Variants in DOP1B observed in about 807,000 individuals in gnomAD.
DOP1B encodes DOP1 leucine zipper like protein B.
In DOP1B, 174 loss-of-function variants were observed where a neutral mutation model predicts 233.5. That is an observed-to-expected ratio of 0.75 (90% CI 0.66 to 0.85). DOP1B has a LOEUF of 0.85. DOP1B is among the 40% of genes least tolerant of loss of function. DOP1B has a pLI of 0.00. For synonymous variants in DOP1B, 1,190 were observed against 1,185.6 expected (o/e 1.00, Z -0.08); for missense variants, 2,652 against 2,846.6 (o/e 0.93, Z 1.56).
At chr21:36,219,117 C>T (rs963612264) in intron 9 of DOP1B, among the ~76,000 whole-genome samples, 6 of 152,082 alleles carry the variant, frequency 3.9e-5, no homozygotes, top group African/African-American at 4.8e-5. Flanking sequence ...GGGTTTAATA[C>T]GTTAATAGAT....
Position 36,239,938 on chromosome 21 carries a change from A to G in DOP1B, c.3050A>G (p.Lys1017Arg). The change falls in exon 18 of 37, where the codon AAG becomes AGG. Residue 1017 changes from lysine (K) to arginine (R), a missense_variant. Lys to Arg is a conservative substitution (Grantham distance 26). Coordinates refer to ENST00000691173, the MANE Select transcript of DOP1B (RefSeq NM_001320714.2). The stretch of plus-strand genomic sequence containing the variant: ...CAGAGAACCTCCATCCACTGCCTCA[A>G]GCAGGAGAACTCGGCCGGTGAGCAG... ...KTQRTSIHCL[K>R]QENSADDLHR... 6.2e-7 allele frequency: 1 copy of G among 1,610,412 alleles called. No individual in the cohort carries two copies. Among genetic ancestry groups the G allele is most frequent in the Non-Finnish European group, 8.5e-7 (1 of 1,179,378 alleles).
rs139475043 is a variant in DOP1B, at chr21:36,233,138, C to T, written c.2622+63C>T. 379 of 1,550,602 alleles carry T rather than the reference C, an allele frequency of 2.4e-4. 3 individuals are homozygous for T. The African/African-American group carries it at 2.5e-3, about 10-fold the overall frequency. On this transcript the variant is annotated intron_variant, in intron 15 of 36. Coordinates refer to ENST00000691173, the MANE Select transcript of DOP1B (RefSeq NM_001320714.2). ...TCTCCCCCTGAGCAAAACTCAGAAC[C>T]GTATTGCTGGGGATGGGGGCAGTGG... is the stretch of plus-strand genomic sequence containing the variant.
chr21:36,253,749 G>A, intron 22 of DOP1B, 23 bp from the exon 23 acceptor site: 1 of 1,608,432 alleles, frequency 6.2e-7, no homozygotes, highest in South Asian at 1.1e-5. Flanking sequence ...AAGCTTTCAA[G>A]GAACTTTTTT....
chr21:36,269,137 A>T (rs1016809400), intron 26 of DOP1B, among the ~76,000 whole-genome samples: 1 of 152,046 alleles, frequency 6.6e-6, no homozygotes, highest in Non-Finnish European at 1.5e-5. Flanking sequence ...GAGAATGCAA[A>T]ATCTGATTAA....
chr21:36,205,736 TG>T (rs950880287), intron 4 of DOP1B, among the ~76,000 whole-genome samples: 1 of 149,416 alleles, frequency 6.7e-6, no homozygotes, highest in African/African-American at 2.5e-5. Flanking sequence ...TGGGGCATGG[TG>T]GCTCATGCCT....
chr21:36,250,273 C>G (rs1207367876), intron 21 of DOP1B, among the ~76,000 whole-genome samples: 1 of 152,202 alleles, frequency 6.6e-6, no homozygotes, highest in Non-Finnish European at 1.5e-5. Context: ...ACAGGAAGCG[C>G]TGGGTAAATC....
intron 23 of DOP1B, among the ~76,000 whole-genome samples, chr21:36,257,744 G>A (rs2067120719): frequency 6.7e-6 from 1 of 149,478 alleles, no homozygotes; most frequent in Admixed American, 6.6e-5. Flanking sequence ...ATGTAGGTAG[G>A]TAGGTAGATG....
intron 24 of DOP1B, chr21:36,261,104 C>A: frequency 1.0e-6 from 1 of 1,003,404 alleles, no homozygotes; most frequent in South Asian, 4.2e-5. Context: ...GTGGCTCACA[C>A]CTGCAATCCC....
intron 12 of DOP1B, among the ~76,000 whole-genome samples, chr21:36,227,221 A>C (rs2066698059): frequency 6.7e-6 from 1 of 148,646 alleles, no homozygotes; most frequent in East Asian, 2.0e-4. Flanking sequence ...AAAATAAATA[A>C]ATAAATAAAT....
chr21:36,259,764 T>C (rs1050164779), intron 23 of DOP1B, among the ~76,000 whole-genome samples: 1 of 152,178 alleles, frequency 6.6e-6, no homozygotes, highest in African/African-American at 2.4e-5. Flanking sequence ...TTTCTACAAA[T>C]ACCTGCAATT....
chr21:36,232,945 T>C lies in DOP1B; in HGVS notation c.2492T>C (p.Ile831Thr), dbSNP rs371268976. ...INHSQSLALV[I>T]EDKMKRYKSS... ...CATTCCCAGTCCCTGGCGCTTGTCA[T>C]TGAAGACAAGATGAAACGCTATAAG... The change falls in exon 15 of 37, where the codon ATT becomes ACT. Residue 831 changes from isoleucine to threonine, a missense_variant. Ile to Thr is a moderately conservative substitution (Grantham distance 89). Transcript: ENST00000691173. The C allele has an allele frequency of 2.5e-5, 40 of 1,614,022 alleles. No homozygotes were observed. Among genetic ancestry groups the C allele is most frequent in the Non-Finnish European group, 3.2e-5 (38 of 1,180,034 alleles).
intron 2 of DOP1B, among the ~76,000 whole-genome samples, chr21:36,196,339 C>T (rs1343691438): frequency 6.6e-6 from 1 of 152,160 alleles, no homozygotes. Context: ...TGCGGGCTGG[C>T]TGGGCATTGC....
chr21:36,279,048 C>G (rs1285716338), intron 30 of DOP1B, among the ~76,000 whole-genome samples: 3 of 151,982 alleles, frequency 2.0e-5, no homozygotes, highest in Non-Finnish European at 4.4e-5. Flanking sequence ...TGAGATCTTG[C>G]AGCAGCCAAG....
chr21:36,237,590 G>A (rs1365030252), intron 16 of DOP1B, among the ~76,000 whole-genome samples, 176 bp downstream of exon 16: 1 of 152,226 alleles, frequency 6.6e-6, no homozygotes, highest in African/African-American at 2.4e-5. Context: ...CTAGAAGCAT[G>A]AGCCATTCTT....
chr21:36,227,065 G>A (rs1362135330), intron 12 of DOP1B, among the ~76,000 whole-genome samples: 6 of 151,040 alleles, frequency 4.0e-5, no homozygotes, highest in African/African-American at 1.2e-4. Flanking sequence ...AAAGTTAGCC[G>A]GGTGTGGTGG....
chr21:36,253,593 G>A (rs952151977), intron 22 of DOP1B, among the ~76,000 whole-genome samples, 179 bp from the exon 23 acceptor site: 2 of 147,694 alleles, frequency 1.4e-5, no homozygotes, highest in Admixed American at 1.4e-4. Flanking sequence ...GGCCAAGATC[G>A]CACCACTGCA....
intron 32 of DOP1B, among the ~76,000 whole-genome samples, chr21:36,285,871 GGTTT>G (rs1391197964): frequency 2.0e-5 from 3 of 152,040 alleles, no homozygotes; most frequent in African/African-American, 7.2e-5. Context: ...AGCTGAGCAT[GGTTT>G]CAGGCGCCTA....
At chr21:36,242,677 G>A (rs1337286633) in intron 18 of DOP1B, among the ~76,000 whole-genome samples, 6 of 152,072 alleles carry the variant, frequency 3.9e-5, no homozygotes, top group Non-Finnish European at 8.8e-5. Flanking sequence ...GTTTCCTGCT[G>A]ACCACAGAAA....
At chr21:36,179,602 A>G (rs182586408) in intron 2 of DOP1B, among the ~76,000 whole-genome samples, 102 of 152,344 alleles carry the variant, frequency 6.7e-4, no homozygotes, top group African/African-American at 2.4e-3. Context: ...GAAGTGAGTC[A>G]TGGAACGACA....
Sources: allele counts gnomAD v4.1 joint callset (sites outside exome capture counted in the v4.1 genomes callset), GRCh38; gene constraint gnomAD v4.1.1; transcripts MANE v1.5; gene names NCBI Gene and HGNC (gene_info 2026-07-23, HGNC 2026-07-21).